The following DYNC1I1 variants were observed in gnomAD, a reference collection of about 807,000 sequenced individuals.
DYNC1I1 encodes the protein dynein cytoplasmic 1 intermediate chain 1.
DYNC1I1 carries 43 observed loss-of-function variants against 86.6 expected under a neutral mutation model. The ratio of observed to expected loss-of-function variants is 0.50; its 90% CI spans 0.39 to 0.64. The LOEUF (loss-of-function observed/expected upper bound fraction) is 0.64, where lower values mean the gene tolerates loss of function less well. Among genes scored for constraint, DYNC1I1 ranks in the 30% least tolerant of loss-of-function variants. The probability of loss-of-function intolerance (pLI) is 0.00; values close to 1 mark genes in which losing one functional copy is unlikely to be tolerated. For missense variants in DYNC1I1, 604 were observed against 788.8 expected (o/e 0.77, Z 2.81); for synonymous variants, 262 against 283.7 (o/e 0.92, Z 0.77).
intron 1 of DYNC1I1, among the ~76,000 whole-genome samples, chr7:95,788,939 T>A (rs1584223420): frequency 1.3e-5 from 2 of 152,358 alleles, no homozygotes; most frequent in East Asian, 3.9e-4. Flanking sequence ...AATTTAGATA[T>A]AATTCTTCCT....
At chr7:95,874,974 T>C (rs188946822) in intron 6 of DYNC1I1, among the ~76,000 whole-genome samples, 15 of 152,318 alleles carry the variant, frequency 9.8e-5, no homozygotes, top group East Asian at 7.7e-4. Flanking sequence ...ATACTCTCTG[T>C]TAGGCTCATG....
chr7:95,968,795 G>C (rs980705951), intron 6 of DYNC1I1, among the ~76,000 whole-genome samples: 3 of 150,664 alleles, frequency 2.0e-5, no homozygotes, highest in African/African-American at 7.3e-5. Flanking sequence ...GCCAAGAATT[G>C]CATCTTCAAT....
intron 16 of DYNC1I1, among the ~76,000 whole-genome samples, chr7:96,086,735 A>C (rs181535356): frequency 3.3e-5 from 5 of 152,354 alleles, no homozygotes; most frequent in Admixed American, 2.6e-4. Context: ...ATGAGAGATC[A>C]AATGTAACAC....
At chr7:96,006,448 T>C (rs183074648) in intron 10 of DYNC1I1, among the ~76,000 whole-genome samples, 1 of 152,354 alleles carries the variant, frequency 6.6e-6, no homozygotes, top group African/African-American at 2.4e-5. Flanking sequence ...TCTTGTGTGC[T>C]TTGTCAAATT....
At chr7:95,924,381 T>C (rs1584164352) in intron 6 of DYNC1I1, among the ~76,000 whole-genome samples, 2 of 152,324 alleles carry the variant, frequency 1.3e-5, no homozygotes, top group Middle Eastern at 3.4e-3. Context: ...TTGAAGATAG[T>C]GTGAAAAGAA....
chr7:95,998,362 C>A (rs1793923467), intron 10 of DYNC1I1, among the ~76,000 whole-genome samples: 1 of 152,232 alleles, frequency 6.6e-6, no homozygotes, highest in Non-Finnish European at 1.5e-5. Context: ...TGGCCACCTA[C>A]CCTTATAAGG....
chr7:95,872,807 G>C (rs1370472810), intron 6 of DYNC1I1, among the ~76,000 whole-genome samples: 1 of 152,160 alleles, frequency 6.6e-6, no homozygotes, highest in Non-Finnish European at 1.5e-5. Context: ...CAAGTAGCAA[G>C]AAAGGAAAAC....
chr7:96,102,818 C>T (rs189310113), downstream of DYNC1I1, among the ~76,000 whole-genome samples: 352 of 152,164 alleles, frequency 2.3e-3, 2 homozygotes, highest in African/African-American at 7.8e-3. Context: ...ACAGGAAGGC[C>T]GTGCCATCTG....
intron 14 of DYNC1I1, among the ~76,000 whole-genome samples, chr7:96,042,971 C>T (rs1225410437): frequency 2.0e-5 from 3 of 151,766 alleles, no homozygotes; most frequent in African/African-American, 7.2e-5. Context: ...ACCATCCTGC[C>T]CAACATAGTG....
At chr7:96,043,532 A>G (rs1343613324) in intron 14 of DYNC1I1, among the ~76,000 whole-genome samples, 6 of 137,710 alleles carry the variant, frequency 4.4e-5, no homozygotes, top group Admixed American at 1.4e-4. Context: ...AGTGGAAACA[A>G]TGTATTAAAA....
At chr7:96,080,236 G>A in intron 15 of DYNC1I1, 127 bp from the exon 16 acceptor site, 1 of 1,184,742 alleles carries the variant, frequency 8.4e-7, no homozygotes, top group East Asian at 2.9e-5. Flanking sequence ...CCCGGCACAA[G>A]GGATGTGTAT....
chr7:96,104,930 T>C (rs770952830), intron 16 of DYNC1I1, among the ~76,000 whole-genome samples: 4 of 152,246 alleles, frequency 2.6e-5, no homozygotes, highest in Non-Finnish European at 4.4e-5. Context: ...TGGATTTTGA[T>C]TGGAATTTCA....
At chr7:95,835,691 T>G (rs905777358) in intron 5 of DYNC1I1, among the ~76,000 whole-genome samples, 1 of 152,138 alleles carries the variant, frequency 6.6e-6, no homozygotes, top group African/African-American at 2.4e-5. Flanking sequence ...GATAGTTAGC[T>G]CTTCTTGTTG....
intron 5 of DYNC1I1, among the ~76,000 whole-genome samples, chr7:95,833,977 A>C (rs1396821900): frequency 2.1e-5 from 2 of 95,934 alleles, no homozygotes; most frequent in South Asian, 7.4e-4. Flanking sequence ...TGTCCTGCCT[A>C]ATTGCCCTGG....
At chr7:95,958,896 G>T (rs1277630918) in intron 6 of DYNC1I1, among the ~76,000 whole-genome samples, 1 of 152,110 alleles carries the variant, frequency 6.6e-6, no homozygotes, top group Non-Finnish European at 1.5e-5. Context: ...CACGATTATG[G>T]CCCTTGAGGA....
chr7:96,078,403 T>C (rs1790406868), intron 15 of DYNC1I1, among the ~76,000 whole-genome samples: 1 of 152,198 alleles, frequency 6.6e-6, no homozygotes, highest in South Asian at 2.1e-4. Context: ...GAAAGGTCAT[T>C]ACTGATCGGA....
chr7:95,830,273 T>G (rs549676684), intron 5 of DYNC1I1, among the ~76,000 whole-genome samples: 1 of 152,258 alleles, frequency 6.6e-6, no homozygotes, highest in East Asian at 1.9e-4. Flanking sequence ...TTGACATGTA[T>G]GCACATCCAT....
chr7:96,030,334 G>A (rs1794779245), intron 11 of DYNC1I1, among the ~76,000 whole-genome samples: 2 of 99,482 alleles, frequency 2.0e-5, no homozygotes, highest in Admixed American at 1.9e-4. Flanking sequence ...GTAGAGTTGT[G>A]TGTGTGTGTG....
chr7:95,791,993 G>T (rs1015887765), intron 1 of DYNC1I1, among the ~76,000 whole-genome samples: 2 of 152,194 alleles, frequency 1.3e-5, no homozygotes, highest in Non-Finnish European at 2.9e-5. Context: ...ATTTATTGAT[G>T]ATTGGAAAGT....
Sources: allele counts gnomAD v4.1 joint callset (sites outside exome capture counted in the v4.1 genomes callset), GRCh38; gene constraint gnomAD v4.1.1; transcripts MANE v1.5; gene names NCBI Gene and HGNC (gene_info 2026-07-23, HGNC 2026-07-21).